The following UBTD1 variants were observed in gnomAD, a reference collection of about 807,000 sequenced individuals.
UBTD1 encodes the protein ubiquitin domain containing 1, also known as ubiquitin domain-containing protein 1.
Under a neutral mutation model 21.7 loss-of-function variants are expected in UBTD1, and 19 were observed. The observed-to-expected ratio is 0.87, with a 90% CI of 0.61 to 1.28. The LOEUF (loss-of-function observed/expected upper bound fraction) is 1.28, where lower values mean the gene tolerates loss of function less well. Ranked by LOEUF, UBTD1 falls within the 50% of genes most tolerant of loss-of-function variation. The probability of loss-of-function intolerance (pLI) is 0.00; values close to 1 mark genes in which losing one functional copy is unlikely to be tolerated. For missense variants in UBTD1, 282 were observed against 315.1 expected (o/e 0.89, Z 0.80); for synonymous variants, 116 against 135.1 (o/e 0.86, Z 0.98).
chr10:97,556,778 A>G (rs1385995511), intron 1 of UBTD1, among the ~76,000 whole-genome samples: 1 of 152,180 alleles, frequency 6.6e-6, no homozygotes, highest in Non-Finnish European at 1.5e-5. Context: ...CCACATATCC[A>G]GTATAACCTG....
intron 1 of UBTD1, among the ~76,000 whole-genome samples, chr10:97,532,806 G>GA (rs1302573609): frequency 1.4e-5 from 2 of 138,600 alleles, no homozygotes; most frequent in Admixed American, 1.4e-4. Flanking sequence ...AAAAAAGAAA[G>GA]AAAGAAAGAA....
rs567215770 is a variant in UBTD1, at chr10:97,570,309, C to A, written c.470C>A (p.Thr157Lys). Residue 157 changes from threonine to lysine, a missense_variant, in exon 3 of 3, where the codon ACG becomes AAG. Thr to Lys is a moderately conservative substitution (Grantham distance 78). Coordinates refer to ENST00000370664, the MANE Select transcript of UBTD1 (RefSeq NM_024954.5). The surrounding 1 kb of genome is among the most constrained non-coding windows in gnomAD (Gnocchi z 6.6). ...REFPLKVRLS[T>K]GKDVRLSASL... ...TTCCCGCTGAAGGTGCGCCTGTCCA[C>A]GGGCAAGGACGTGAGGCTCAGCGCC... The A allele has an allele frequency of 1.2e-6, 2 of 1,613,086 alleles. No individual in the cohort carries two copies. The highest frequency in any genetic ancestry group is 1.7e-6 in the Non-Finnish European group (2 of 1,179,944).
chr10:97,508,981 A>G (rs2040410219), intron 1 of UBTD1, among the ~76,000 whole-genome samples: 1 of 152,214 alleles, frequency 6.6e-6, no homozygotes, highest in Non-Finnish European at 1.5e-5. Flanking sequence ...TTGCTCTGCA[A>G]ACTTTGAATT....
chr10:97,569,044 A>G (rs1038939033), intron 2 of UBTD1, among the ~76,000 whole-genome samples: 4 of 152,338 alleles, frequency 2.6e-5, no homozygotes, highest in African/African-American at 9.6e-5. Context: ...GCTGGTCTCA[A>G]ACTTCCAACT....
rs566038791 is a variant in UBTD1 at position 97,514,621 on chromosome 10, G to C, written c.70+15348G>C. Among the ~76,000 whole-genome samples, 2 of 152,242 alleles carry C rather than the reference G, an allele frequency of 1.3e-5. 1 individual carries two copies. Among genetic ancestry groups the C allele is most frequent in the East Asian group, 3.9e-4 (2 of 5,168 alleles). On this transcript the variant is annotated intron_variant, in intron 1 of 2. Transcript: ENST00000370664. ...CCTCGGATTCAGCACTCATCCAGTG[G>C]GAGTGTGGTCAGGAGCCCCGAGGAA...
At chr10:97,554,731 T>C (rs571914937) in intron 1 of UBTD1, among the ~76,000 whole-genome samples, 1 of 152,184 alleles carries the variant, frequency 6.6e-6, no homozygotes, top group East Asian at 1.9e-4. Context: ...TTTTTATTTT[T>C]TGTAGAGACG....
intron 1 of UBTD1, among the ~76,000 whole-genome samples, chr10:97,505,241 T>C (rs1589866328): frequency 6.6e-6 from 1 of 152,202 alleles, no homozygotes; most frequent in African/African-American, 2.4e-5. Flanking sequence ...TCTTTTTTCT[T>C]ACCCAGCCAT....
intron 1 of UBTD1, among the ~76,000 whole-genome samples, chr10:97,528,816 A>G (rs1230566049): frequency 7.8e-6 from 1 of 127,464 alleles, no homozygotes; most frequent in Admixed American, 7.5e-5. Context: ...GGCCGGGCAG[A>G]GGGGCTCCTC....
intron 1 of UBTD1, among the ~76,000 whole-genome samples, chr10:97,546,628 G>A (rs899451845): frequency 6.8e-6 from 1 of 147,822 alleles, no homozygotes; most frequent in Non-Finnish European, 1.5e-5. Context: ...ACCAGGGCAC[G>A]CAGTCAGGTG....
At chr10:97,568,612 G>C (rs973315135) in intron 2 of UBTD1, among the ~76,000 whole-genome samples, 6 of 151,724 alleles carry the variant, frequency 4.0e-5, no homozygotes, top group African/African-American at 1.5e-4. Context: ...AGTAGAGACG[G>C]GGTTTCACCA....
chr10:97,557,358 T>C (rs904158679), intron 1 of UBTD1, among the ~76,000 whole-genome samples: 1 of 152,104 alleles, frequency 6.6e-6, no homozygotes, highest in Non-Finnish European at 1.5e-5. Flanking sequence ...GTTTTTTTTT[T>C]AATTCCACTT....
chr10:97,571,044 C>T lies in UBTD1; in HGVS notation c.*521C>T, dbSNP rs574986418. 2.5e-5 allele frequency: 4 copies of T among 160,412 alleles called. No individual in the cohort carries two copies. Among genetic ancestry groups the T allele is most frequent in the East Asian group, 1.8e-4 (1 of 5,544 alleles). 9.9% of individuals were successfully genotyped at this position (160,412 alleles called of 1,614,324 possible). A position where few individuals can be genotyped will look rare whatever the true frequency, so the allele number is the denominator to read the frequency against. On this transcript the variant is annotated 3_prime_UTR_variant, in exon 3 of 3. Transcript: ENST00000370664. Reference sequence around the variant, plus strand: ...CCCAGCACAATTGGCAGAGATGAGGCGGGTGGTGGACAGCTGGGCTGTCGT... The same window carrying T: ...CCCAGCACAATTGGCAGAGATGAGGTGGGTGGTGGACAGCTGGGCTGTCGT...
chr10:97,551,237 G>T (rs1189542750), intron 1 of UBTD1, among the ~76,000 whole-genome samples: 1 of 152,096 alleles, frequency 6.6e-6, no homozygotes, highest in Admixed American at 6.6e-5. Flanking sequence ...TACATTCTCT[G>T]CTCAATCACA....
At chr10:97,520,420 G>A (rs147693618) in intron 1 of UBTD1, among the ~76,000 whole-genome samples, 1,693 of 152,302 alleles carry the variant, frequency 0.011, 30 homozygotes, top group African/African-American at 0.039. Context: ...TTGATCCTGG[G>A]TGTGCAGCTG....
At chr10:97,550,858 C>A (rs1406371081) in intron 1 of UBTD1, among the ~76,000 whole-genome samples, 1 of 152,128 alleles carries the variant, frequency 6.6e-6, no homozygotes, top group African/African-American at 2.4e-5. Context: ...GTGATATCAC[C>A]AGACACCATT....
At position 97,499,268 on chromosome 10, in the gene UBTD1, G is replaced by A; in HGVS notation, c.65G>A (p.Arg22Gln). ...GCAGCCCCGGGACACCCCCGCAAGC[G>A]AGCAGGTAACGATGGGGAAGGGAGC... Reference protein sequence around the residue: ...RPAAPGHPRKRAGRNEPLKKE... With the variant: ...RPAAPGHPRKQAGRNEPLKKE... Residue 22 changes from arginine (R) to glutamine (Q), a missense_variant, in exon 1 of 3, where the codon CGA (arginine) becomes CAA (glutamine). Physicochemically the swap from Arg to Gln is conservative, Grantham distance 43 (BLOSUM62 1). Transcript: ENST00000370664. 1.9e-6 allele frequency: 3 copies of A among 1,548,646 alleles called. No homozygotes were observed. Among genetic ancestry groups the A allele is most frequent in the Non-Finnish European group, 2.6e-6 (3 of 1,145,780 alleles).
rs1009035291 is a variant in UBTD1 at position 97,546,712 on chromosome 10, G to A, written c.71-21202G>A. Among the ~76,000 whole-genome samples, 11 of 152,232 alleles carry A rather than the reference G, an allele frequency of 7.2e-5. 1 individual carries two copies. The highest frequency in any genetic ancestry group is 4.6e-4 in the Admixed American group (7 of 15,292). On this transcript the variant is annotated intron_variant, in intron 1 of 2. Coordinates refer to ENST00000370664, the MANE Select transcript of UBTD1 (RefSeq NM_024954.5). ...TGTTCCTCTCTAGTGGGCAATGGGA[G>A]GTTGGTAGCTCCTCCCGCCTTGCTC...
At chr10:97,528,179 C>T (rs1480328361) in intron 1 of UBTD1, among the ~76,000 whole-genome samples, 8 of 95,696 alleles carry the variant, frequency 8.4e-5, no homozygotes, top group East Asian at 3.9e-4. Flanking sequence ...GGGGGGCTGA[C>T]TCCCCCACCT....
intron 1 of UBTD1, among the ~76,000 whole-genome samples, chr10:97,532,744 C>T (rs996338769): frequency 2.0e-5 from 3 of 151,814 alleles, no homozygotes; most frequent in Non-Finnish European, 4.4e-5. Flanking sequence ...GAGCCAAGTT[C>T]GTGCCACTGC....
Sources: gnomAD v4.1 joint callset for allele counts (sites outside exome capture counted in the v4.1 genomes callset) on GRCh38, gnomAD v4.1.1 for gene constraint, Gnocchi (gnomAD v3.1) non-coding constraint, MANE v1.5 for transcripts, NCBI Gene and HGNC (gene_info 2026-07-23, HGNC 2026-07-21) for gene names.